The following UNC79 variants were observed in gnomAD, a reference collection of about 807,000 sequenced individuals.
UNC79 encodes the protein unc-79 subunit of NALCN channel complex, also known as protein unc-79 homolog.
A neutral mutation model predicts 283.1 loss-of-function variants in UNC79; 37 were observed. The observed-to-expected ratio is 0.13, with a 90% CI of 0.10 to 0.17. UNC79 has a LOEUF of 0.17. Ranked by LOEUF, UNC79 falls within the 10% of genes least tolerant of loss-of-function variation. UNC79 has a pLI of 1.00. For synonymous variants in UNC79, 1,107 were observed against 1,200.2 expected (o/e 0.92, Z 1.61); for missense variants, 2,272 against 3,211.1 (o/e 0.71, Z 7.07).
chr14:93,440,428 T>C (rs1226709653), intron 1 of UNC79, among the ~76,000 whole-genome samples: 1 of 152,100 alleles, frequency 6.6e-6, no homozygotes, highest in Non-Finnish European at 1.5e-5. Flanking sequence ...TTTTGGCATT[T>C]CTAAATTAAT....
In UNC79 at chr14:93,422,119, T is replaced by C. The variant is rs751893759; in HGVS notation, c.-350-45552T>C. Among the ~76,000 whole-genome samples, 61 of 151,788 alleles carry C rather than the reference T, an allele frequency of 4.0e-4. 1 individual carries two copies. The highest frequency in any genetic ancestry group is 9.8e-4 in the Admixed American group (15 of 15,244). On this transcript the variant is annotated intron_variant, in intron 1 of 49. Coordinates refer to the UNC79 transcript ENST00000256339. ...CCTGATGATATGGGCCCAAGGTAGT[T>C]ATGGTATGGCCTGCTTTTATACCTT...
At chr14:93,439,197 A>G (rs1036182041) in intron 1 of UNC79, among the ~76,000 whole-genome samples, 3 of 152,006 alleles carry the variant, frequency 2.0e-5, no homozygotes, top group African/African-American at 7.2e-5. Flanking sequence ...TATGCCTCTA[A>G]TTGCTTTCTT....
chr14:93,503,861 CT>C (rs2059412243), intron 7 of UNC79, among the ~76,000 whole-genome samples: 1 of 151,906 alleles, frequency 6.6e-6, no homozygotes, highest in African/African-American at 2.4e-5. Flanking sequence ...AAATCCTTCC[CT>C]ACCCCAAAAT....
intron 20 of UNC79, among the ~76,000 whole-genome samples, chr14:93,585,883 CTTT>C (rs1233052037): frequency 7.2e-6 from 1 of 138,212 alleles, no homozygotes; most frequent in Non-Finnish European, 1.6e-5. Flanking sequence ...CTCTCTCTCT[CTTT>C]TTTTTTTTTT....
chr14:93,668,089 A>G (rs1001250258), intron 40 of UNC79, among the ~76,000 whole-genome samples: 1 of 152,208 alleles, frequency 6.6e-6, no homozygotes, highest in Non-Finnish European at 1.5e-5. Flanking sequence ...CTTTAAAATC[A>G]TAAATAAGAT....
intron 30 of UNC79, among the ~76,000 whole-genome samples, chr14:93,623,297 CTGTA>C: frequency 6.6e-6 from 1 of 152,278 alleles, no homozygotes; most frequent in South Asian, 2.1e-4. Context: ...TAAGAATTGA[CTGTA>C]TAATCACTTA....
intron 1 of UNC79, among the ~76,000 whole-genome samples, chr14:93,465,759 A>C (rs2057150571): frequency 6.6e-6 from 1 of 152,044 alleles, no homozygotes; most frequent in South Asian, 2.1e-4. Context: ...ACTATTATCA[A>C]CTCCTTTACT....
intron 30 of UNC79, among the ~76,000 whole-genome samples, chr14:93,624,983 G>A (rs1040270175): frequency 1.6e-4 from 24 of 152,218 alleles, no homozygotes; most frequent in Admixed American, 4.6e-4. Context: ...GTCGTCCTCC[G>A]TATCCCTCAC....
chr14:93,564,333 T>C (rs1161141364), intron 14 of UNC79, among the ~76,000 whole-genome samples: 1 of 152,196 alleles, frequency 6.6e-6, no homozygotes, highest in East Asian at 1.9e-4. Flanking sequence ...TATCCAACCA[T>C]GCCTAGGAAG....
chr14:93,565,456 G>T (rs1002684711), intron 14 of UNC79, among the ~76,000 whole-genome samples: 1 of 152,164 alleles, frequency 6.6e-6, no homozygotes, highest in African/African-American at 2.4e-5. Context: ...TTGGGTGAGG[G>T]TAACTAAAGG....
chr14:93,634,721 G>T (rs1038433200), intron 31 of UNC79, 84 bp downstream of exon 34: 1 of 1,262,134 alleles, frequency 7.9e-7, no homozygotes, highest in African/African-American at 1.5e-5. Flanking sequence ...CCTTGTTAAA[G>T]AATAGATTTT....
At chr14:93,666,729 A>T (rs2072241624) in intron 40 of UNC79, among the ~76,000 whole-genome samples, 1 of 152,238 alleles carries the variant, frequency 6.6e-6, no homozygotes, top group Admixed American at 6.5e-5. Flanking sequence ...TCAAACAATA[A>T]CAGTGAGCAA....
intron 1 of UNC79, among the ~76,000 whole-genome samples, chr14:93,359,730 T>C (rs2054181252): frequency 6.6e-6 from 1 of 152,156 alleles, no homozygotes; most frequent in African/African-American, 2.4e-5. Context: ...ATTTGAATTA[T>C]AAAAAGAGAG....
At chr14:93,575,127 T>C in exon 17 of UNC79, 1 of 1,614,062 alleles carries the variant, frequency 6.2e-7, no homozygotes, top group South Asian at 1.1e-5. Flanking sequence ...TGGAGTTAAT[T>C]CAGTCAAAGA....
intron 14 of UNC79, among the ~76,000 whole-genome samples, chr14:93,557,626 G>A (rs6575340): frequency 0.6 from 91,402 of 151,768 alleles, 28,130 homozygotes; most frequent in Admixed American, 0.68. Context: ...AAACATTTCC[G>A]CCCTCTGAAT....
chr14:93,378,194 A>G (rs930372399), intron 1 of UNC79, among the ~76,000 whole-genome samples: 8 of 152,186 alleles, frequency 5.3e-5, no homozygotes, highest in Admixed American at 4.6e-4. Flanking sequence ...TCCTTACCAC[A>G]GCTTCCCTGC....
Position 93,465,267 on chromosome 14 carries a change from C to A in UNC79, c.23-2404C>A, listed in dbSNP as rs114573563. On this transcript the variant is annotated intron_variant, in intron 1 of 48. Transcript: ENST00000555664. ...ATATATATGCAGATATGTATACTCT[C>A]TATATATCCTAAAGACCTGAGTGAT... is the stretch of plus-strand genomic sequence containing the variant. Among the ~76,000 whole-genome samples the A allele has an allele frequency of 8.0e-3, 1,225 of 152,194 alleles. 16 individuals carry two copies. Among genetic ancestry groups the A allele is most frequent in the African/African-American group, 0.028 (1,164 of 41,516 alleles).
At position 93,474,167 on chromosome 14, in the gene UNC79, T is replaced by C. The variant is rs2140323463; in HGVS notation, c.222T>C (p.Pro74=). The C allele has an allele frequency of 6.5e-7, 1 of 1,536,094 alleles. No individual in the cohort carries two copies. The highest frequency in any genetic ancestry group is 1.4e-5 in the African/African-American group (1 of 73,172). The change falls in exon 3 of 49, where the codon CCT becomes CCC. Residue 74 remains proline, a synonymous_variant. Coordinates refer to ENST00000555664, the Ensembl canonical transcript of UNC79. This position sits in a 1 kb window ranked among gnomAD's most constrained non-coding sequence, Gnocchi z 4.1. ...TGCCCATGACCATGTGTCTTTTTCC[T>C]GTGCCATTCCCACTCACCCCATCTC...
chr14:93,693,686 A>G (rs987391278), intron 46 of UNC79, among the ~76,000 whole-genome samples: 12 of 152,186 alleles, frequency 7.9e-5, no homozygotes, highest in Non-Finnish European at 1.5e-4. Flanking sequence ...ATTGCCGATG[A>G]AGACACTGTG....
Sources: gnomAD v4.1 joint callset for allele counts (sites outside exome capture counted in the v4.1 genomes callset) on GRCh38, gnomAD v4.1.1 for gene constraint, Gnocchi (gnomAD v3.1) non-coding constraint, MANE v1.5 for transcripts, NCBI Gene and HGNC (gene_info 2026-07-23, HGNC 2026-07-21) for gene names.